Variants in ZNF652 observed in about 807,000 individuals in gnomAD.
ZNF652 encodes the protein zinc finger protein 652.
Under a neutral mutation model 45.2 loss-of-function variants are expected in ZNF652, and 16 were observed. The observed-to-expected ratio is 0.35, with a 90% CI of 0.24 to 0.54. The LOEUF is 0.54. ZNF652 is among the 20% of genes least tolerant of loss of function. The probability of loss-of-function intolerance (pLI) is 0.91; values close to 1 mark genes in which losing one functional copy is unlikely to be tolerated. For missense variants in ZNF652, 614 were observed against 765.6 expected, an observed-to-expected ratio of 0.80 and a Z score of 2.34; for synonymous variants, 250 against 260.6, an observed-to-expected ratio of 0.96 and a Z score of 0.39.
chr17:49,302,436 G>A (rs1167795698), intron 5 of ZNF652, among the ~76,000 whole-genome samples: 1 of 150,222 alleles, frequency 6.7e-6, no homozygotes, highest in African/African-American at 2.4e-5. Flanking sequence ...CTACAGGCAC[G>A]TACCACCACA....
intron 1 of ZNF652, among the ~76,000 whole-genome samples, chr17:49,322,811 G>C (rs1487636528): frequency 6.6e-6 from 1 of 152,214 alleles, no homozygotes; most frequent in African/African-American, 2.4e-5. Flanking sequence ...CGTGAACCTG[G>C]GAGGCGGAGT....
chr17:49,331,264 G>A (rs2070021598), intron 1 of ZNF652, among the ~76,000 whole-genome samples: 1 of 151,702 alleles, frequency 6.6e-6, no homozygotes, highest in African/African-American at 2.4e-5. Flanking sequence ...TGGGACTACA[G>A]GTGCCCGCTA....
In ZNF652 at chr17:49,298,215, G is replaced by A. The variant is rs2069500807; in HGVS notation, c.*198C>T. ...GGGCTTTAGTTCAGTGGTTCCCCTG[G>A]TTTAGATGACAGTCCCTCTGTGAGC... On this transcript the variant is annotated 3_prime_UTR_variant, in exon 6 of 6. Transcript: ENST00000430262. 1 of 666,554 alleles carries A rather than the reference G, an allele frequency of 1.5e-6. No homozygotes were observed. The highest frequency in any genetic ancestry group is 2.4e-6 in the Non-Finnish European group (1 of 411,318). The allele number at this position is 666,554 out of a possible 1,614,324, so 41.3% of individuals were successfully genotyped here. A position where few individuals can be genotyped will look rare whatever the true frequency, so the allele number is the denominator to read the frequency against.
intron 1 of ZNF652, among the ~76,000 whole-genome samples, chr17:49,336,226 T>C (rs1284154989): frequency 1.3e-5 from 2 of 151,956 alleles, no homozygotes; most frequent in Non-Finnish European, 2.9e-5. Flanking sequence ...GGTTTCACCA[T>C]GTTGGCCAGG....
At chr17:49,301,591 C>T (rs575182157) in intron 5 of ZNF652, among the ~76,000 whole-genome samples, 17 of 152,350 alleles carry the variant, frequency 1.1e-4, no homozygotes, top group Non-Finnish European at 2.1e-4. Context: ...AGCCACCACA[C>T]CCGGCCCTCT....
intron 1 of ZNF652, among the ~76,000 whole-genome samples, chr17:49,341,645 C>T (rs1430034947): frequency 2.6e-5 from 4 of 151,852 alleles, no homozygotes; most frequent in African/African-American, 9.7e-5. Flanking sequence ...GCCTGGGCAA[C>T]AGCAAGACTG....
intron 1 of ZNF652, among the ~76,000 whole-genome samples, chr17:49,347,740 GTTTTTTT>G (rs1181401090): frequency 2.0e-4 from 16 of 81,210 alleles, no homozygotes; most frequent in Admixed American, 1.4e-3. Flanking sequence ...CCTTGGTTTT[GTTTTTTT>G]TTTTTTTTTT....
At chr17:49,303,138 C>T (rs1261064424) in intron 5 of ZNF652, among the ~76,000 whole-genome samples, 1 of 151,092 alleles carries the variant, frequency 6.6e-6, no homozygotes, top group Non-Finnish European at 1.5e-5. Flanking sequence ...CCAGCCTGGC[C>T]AACATAGTGA....
At chr17:49,348,256 T>G (rs1199422526) in intron 1 of ZNF652, among the ~76,000 whole-genome samples, 1 of 151,846 alleles carries the variant, frequency 6.6e-6, no homozygotes, top group Non-Finnish European at 1.5e-5. Context: ...TTTGGGAGGC[T>G]GAGGTGAGAG....
chr17:49,356,402 C>T (rs1598320857), intron 1 of ZNF652, among the ~76,000 whole-genome samples: 1 of 103,974 alleles, frequency 9.6e-6, no homozygotes, highest in South Asian at 3.3e-4. Flanking sequence ...GCACTTCAGC[C>T]TGGGGGACAG....
rs1333779595 is a variant in ZNF652, at chr17:49,362,000, C to CA, written c.-351dup. 1.3e-5 allele frequency: 2 copies of CA among 149,562 alleles called. No individual in the cohort carries two copies. The highest frequency in any genetic ancestry group is 3.9e-4 in the East Asian group (2 of 5,108). The allele number at this position is 149,562 out of a possible 1,614,324, so 9.3% of individuals were successfully genotyped here. On this transcript the variant is annotated 5_prime_UTR_variant, in exon 1 of 6. Transcript: ENST00000430262. ...GCCTGCAGCCGCGGCGCTCGAGTCACAACCGCCGGCTGGGCCAGCCCCTCC... is the reference window on the plus strand; with the variant it reads ...GCCTGCAGCCGCGGCGCTCGAGTCACAAACCGCCGGCTGGGCCAGCCCCTCC...
At chr17:49,302,736 C>T (rs367984681) in intron 5 of ZNF652, among the ~76,000 whole-genome samples, 3 of 149,888 alleles carry the variant, frequency 2.0e-5, no homozygotes, top group African/African-American at 4.9e-5. Context: ...CTGAGGCACG[C>T]GGATCATTTG....
At chr17:49,309,912 C>T (rs967660505) in intron 5 of ZNF652, among the ~76,000 whole-genome samples, 4 of 152,022 alleles carry the variant, frequency 2.6e-5, no homozygotes, top group African/African-American at 9.7e-5. Flanking sequence ...TTCCTCACCA[C>T]TAGTTAAGTA....
intron 1 of ZNF652, among the ~76,000 whole-genome samples, chr17:49,331,248 A>C (rs747502399): frequency 1.7e-4 from 25 of 151,458 alleles, no homozygotes; most frequent in Non-Finnish European, 3.1e-4. Flanking sequence ...CAGCCTCCCA[A>C]GTAGCTGGGA....
chr17:49,305,969 G>C (rs780213404), intron 5 of ZNF652, among the ~76,000 whole-genome samples: 10 of 152,188 alleles, frequency 6.6e-5, no homozygotes, highest in Non-Finnish European at 1.2e-4. Context: ...TTCAGCCTTA[G>C]AGACCTATCC....
At chr17:49,288,423 C>T (rs1405709832), downstream of ZNF652, 1 of 152,090 alleles carries the variant, frequency 6.6e-6, no homozygotes, top group African/African-American at 2.4e-5. Context: ...TCCTATACAC[C>T]CAACTCCCTC....
chr17:49,302,088 C>A (rs2069561040), intron 5 of ZNF652, among the ~76,000 whole-genome samples: 2 of 151,656 alleles, frequency 1.3e-5, no homozygotes, highest in Admixed American at 1.3e-4. Context: ...CCTGTCTTTA[C>A]AAAAACATAC....
Position 49,290,957 on chromosome 17 carries a change from C to T in ZNF652, c.*7456G>A, listed in dbSNP as rs1447069936. On this transcript the variant is annotated 3_prime_UTR_variant, in exon 6 of 6. Transcript: ENST00000430262. ...TGCTGATGGAAAACAGTCACACAGC[C>T]CATGTCAAGAAATGAATAAAATGCA... is the stretch of plus-strand genomic sequence containing the variant. The T allele has an allele frequency of 6.6e-6, 1 of 152,032 alleles. No homozygotes were observed. Among genetic ancestry groups the T allele is most frequent in the Admixed American group, 6.6e-5 (1 of 15,264 alleles). The allele number at this position is 152,032 out of a possible 1,614,324, so 9.4% of individuals were successfully genotyped here. A position where few individuals can be genotyped will look rare whatever the true frequency, so the allele number is the denominator to read the frequency against.
chr17:49,344,286 C>T (rs2070181290), intron 1 of ZNF652, among the ~76,000 whole-genome samples: 1 of 151,618 alleles, frequency 6.6e-6, no homozygotes, highest in Admixed American at 6.6e-5. Context: ...GATCACTGAA[C>T]CCCAGGAGTT....
Sources: gnomAD v4.1 joint callset for allele counts (sites outside exome capture counted in the v4.1 genomes callset) on GRCh38, gnomAD v4.1.1 for gene constraint, MANE v1.5 for transcripts, NCBI Gene and HGNC (gene_info 2026-07-23, HGNC 2026-07-21) for gene names.